GRIN2B: variants seen among roughly 807,000 people sequenced by gnomAD.
The protein encoded by GRIN2B is glutamate receptor ionotropic, NMDA 2B.
Under a neutral mutation model 114.5 loss-of-function variants are expected in GRIN2B, and 5 were observed. The observed-to-expected ratio is 0.04, with a 90% confidence interval of 0.02 to 0.09. The LOEUF (loss-of-function observed/expected upper bound fraction) is 0.09. GRIN2B is among the 10% of genes least tolerant of loss of function. The pLI is 1.00. For missense variants in GRIN2B, 1,108 were observed against 1,943.5 expected, an observed-to-expected ratio of 0.57 and a Z score of 8.08; for synonymous variants, 787 against 745.1, an observed-to-expected ratio of 1.06 and a Z score of -0.92.
At chr12:13,740,805 T>C (rs1188441756) in intron 4 of GRIN2B, among the ~76,000 whole-genome samples, 2 of 152,106 alleles carry the variant, frequency 1.3e-5, no homozygotes, top group Non-Finnish European at 2.9e-5. Flanking sequence ...GGGAATAGGA[T>C]AAGAAAAAAT....
At chr12:13,692,011 T>G (rs1189818649) in intron 4 of GRIN2B, among the ~76,000 whole-genome samples, 5 of 152,126 alleles carry the variant, frequency 3.3e-5, no homozygotes, top group African/African-American at 1.2e-4. Flanking sequence ...GGCTGCCAAA[T>G]CCAGATCATT....
chr12:13,663,974 C>T (rs926146940), intron 5 of GRIN2B, among the ~76,000 whole-genome samples: 8 of 152,112 alleles, frequency 5.3e-5, no homozygotes, highest in Non-Finnish European at 8.8e-5. Flanking sequence ...TAAAACTTTA[C>T]AGTTTGAGGT....
intron 3 of GRIN2B, among the ~76,000 whole-genome samples, chr12:13,820,254 T>C (rs1229169536): frequency 6.6e-6 from 1 of 152,118 alleles, no homozygotes; most frequent in African/African-American, 2.4e-5. Context: ...ACCAATGCCA[T>C]CCTAATCTCC....
chr12:13,611,654 A>T, intron 9 of GRIN2B, 71 bp downstream of exon 9: 2 of 1,443,752 alleles, frequency 1.4e-6, no homozygotes. Context: ...CAGATAACAA[A>T]TGAGGAGTCC....
chr12:13,853,292 C>A (rs1317136817), intron 3 of GRIN2B, among the ~76,000 whole-genome samples: 1 of 152,128 alleles, frequency 6.6e-6, no homozygotes, highest in Non-Finnish European at 1.5e-5. Flanking sequence ...CAAATAGTTC[C>A]TAATACCCAG....
intron 2 of GRIN2B, among the ~76,000 whole-genome samples, chr12:13,904,898 T>C (rs1866512946): frequency 1.3e-5 from 2 of 152,182 alleles, no homozygotes; most frequent in African/African-American, 4.8e-5. Flanking sequence ...TCTGCTATAA[T>C]ATTATGATAT....
intron 3 of GRIN2B, among the ~76,000 whole-genome samples, chr12:13,779,557 AT>A (rs1432675400): frequency 1.3e-5 from 2 of 152,252 alleles, no homozygotes; most frequent in East Asian, 3.8e-4. Context: ...CACTTAATAT[AT>A]CTAAAATATT....
At chr12:13,705,026 T>G (rs1317338771) in intron 4 of GRIN2B, among the ~76,000 whole-genome samples, 1 of 152,142 alleles carries the variant, frequency 6.6e-6, no homozygotes, top group African/African-American at 2.4e-5. Flanking sequence ...GGTACCTTTG[T>G]GTCATCATAT....
rs1221192909 is a variant in GRIN2B, at chr12:13,550,229, G to A, written c.*12554C>T. The A allele has an allele frequency of 6.6e-6, 1 of 152,162 alleles. No homozygotes were observed. The highest frequency in any genetic ancestry group is 1.5e-5 in the Non-Finnish European group (1 of 68,020). 9.4% of individuals were successfully genotyped at this position (152,162 alleles called of 1,614,324 possible). On this transcript the variant is annotated 3_prime_UTR_variant, in exon 14 of 14. Coordinates refer to ENST00000609686, the MANE Select transcript of GRIN2B (RefSeq NM_000834.5). ...CATACCAACTACTGTGATTTACTCAGAATGTACCATAGGCTAAGTGTGGTG... is the reference window on the plus strand; with the variant it reads ...CATACCAACTACTGTGATTTACTCAAAATGTACCATAGGCTAAGTGTGGTG...
chr12:13,825,705 G>A (rs140737962), intron 3 of GRIN2B, among the ~76,000 whole-genome samples: 2,445 of 151,664 alleles, frequency 0.016, 78 homozygotes, highest in African/African-American at 0.058. Context: ...TTAGTAGAGA[G>A]GGGGTTTCAC....
chr12:13,606,603 G>A (rs1008377084), intron 10 of GRIN2B, among the ~76,000 whole-genome samples: 1 of 152,252 alleles, frequency 6.6e-6, no homozygotes, highest in East Asian at 1.9e-4. Context: ...AATAGGAGGT[G>A]GGCGTGGTCC....
intron 13 of GRIN2B, 145 bp downstream of exon 13, chr12:13,566,880 A>G: frequency 1.4e-6 from 1 of 694,626 alleles, no homozygotes. Flanking sequence ...ATATCACACA[A>G]ACTCCTAAGA....
At chr12:13,700,393 T>C (rs899186680) in intron 4 of GRIN2B, among the ~76,000 whole-genome samples, 1 of 152,188 alleles carries the variant, frequency 6.6e-6, no homozygotes, top group Admixed American at 6.5e-5. Context: ...TTGGAGTTCA[T>C]TAAAAATGAC....
At chr12:13,905,778 C>G (rs913396099) in intron 2 of GRIN2B, among the ~76,000 whole-genome samples, 4 of 152,154 alleles carry the variant, frequency 2.6e-5, no homozygotes, top group African/African-American at 9.7e-5. Context: ...AGTATTCTGA[C>G]GAGCTGAGAG....
chr12:13,815,227 G>A (rs889542016), intron 3 of GRIN2B, among the ~76,000 whole-genome samples: 2 of 152,184 alleles, frequency 1.3e-5, no homozygotes, highest in African/African-American at 4.8e-5. Context: ...GACAAAGTCA[G>A]ATAGGCAGCA....
chr12:13,566,105 C>A (rs1397345509), intron 13 of GRIN2B, among the ~76,000 whole-genome samples: 3 of 152,146 alleles, frequency 2.0e-5, no homozygotes, highest in African/African-American at 7.2e-5. Flanking sequence ...TCTGAGCTCA[C>A]CTGATGGCCT....
chr12:13,583,393 G>C (rs1390366170), intron 10 of GRIN2B, among the ~76,000 whole-genome samples: 1 of 152,148 alleles, frequency 6.6e-6, no homozygotes, highest in African/African-American at 2.4e-5. Context: ...GGAAACTAAT[G>C]CACAGACAGT....
In GRIN2B at chr12:13,542,304, C is replaced by A. The variant is rs1948287919; in HGVS notation, c.*20479G>T. On this transcript the variant is annotated 3_prime_UTR_variant, in exon 14 of 14. Transcript: ENST00000609686. ...TAAGTAAGAACAAATAATTATGACCCCCCCACAACGAGACTAGCTTAGTTG... is the reference window on the plus strand; with the variant it reads ...TAAGTAAGAACAAATAATTATGACCACCCCACAACGAGACTAGCTTAGTTG... The A allele has an allele frequency of 6.6e-6, 1 of 151,862 alleles. No homozygotes were observed. The highest frequency in any genetic ancestry group is 1.5e-5 in the Non-Finnish European group (1 of 67,982). 9.4% of individuals were successfully genotyped at this position (151,862 alleles called of 1,614,324 possible). A position where few individuals can be genotyped will look rare whatever the true frequency, so the allele number is the denominator to read the frequency against.
intron 10 of GRIN2B, among the ~76,000 whole-genome samples, chr12:13,608,081 CAATCATCCA>C (rs1009882764): frequency 7.9e-5 from 12 of 152,214 alleles, no homozygotes; most frequent in African/African-American, 2.9e-4. Flanking sequence ...CACACAGGGG[CAATCATCCA>C]AATCATCCAG....
Sources: gnomAD v4.1 joint callset for allele counts (sites outside exome capture counted in the v4.1 genomes callset) on GRCh38, gnomAD v4.1.1 for gene constraint, MANE v1.5 for transcripts, NCBI Gene and HGNC (gene_info 2026-07-23, HGNC 2026-07-21) for gene names.